Variants in TNNI3K observed in about 807,000 individuals in gnomAD.
The protein encoded by TNNI3K is serine/threonine-protein kinase TNNI3K.
TNNI3K carries 140 observed loss-of-function variants against 114.5 expected under a neutral mutation model. The ratio of observed to expected loss-of-function variants is 1.22; its 90% CI spans 1.07 to 1.41. The LOEUF (loss-of-function observed/expected upper bound fraction) is 1.41, where lower values mean the gene tolerates loss of function less well. Ranked by LOEUF, TNNI3K falls within the 40% of genes most tolerant of loss-of-function variation. The pLI is 0.00. For synonymous variants in TNNI3K, 347 were observed against 347.5 expected (o/e 1.00, Z 0.02); for missense variants, 1,125 against 1,007.6 (o/e 1.12, Z -1.58).
intron 4 of TNNI3K, among the ~76,000 whole-genome samples, chr1:74,261,959 G>A (rs888558535): frequency 3.9e-5 from 6 of 152,034 alleles, no homozygotes; most frequent in African/African-American, 1.4e-4. Flanking sequence ...ACCAGACCTA[G>A]GTATTTTTTG....
intron 5 of TNNI3K, among the ~76,000 whole-genome samples, chr1:74,281,463 T>A (rs1657012180): frequency 6.6e-6 from 1 of 152,022 alleles, no homozygotes; most frequent in Non-Finnish European, 1.5e-5. Flanking sequence ...GATTTTACTG[T>A]TATATAGTTG....
intron 21 of TNNI3K, chr1:74,471,397 C>G (rs1176215086): frequency 2.5e-6 from 1 of 400,590 alleles, no homozygotes; most frequent in Non-Finnish European, 4.4e-6. Context: ...TACCTGCTTG[C>G]ATTGCTTTGG....
intron 23 of TNNI3K, chr1:74,512,416 C>T (rs1278291316): frequency 1.3e-5 from 2 of 152,122 alleles, no homozygotes; most frequent in African/African-American, 4.8e-5. Flanking sequence ...ACATCACCCA[C>T]ATGATCATCT....
chr1:74,463,896 G>C (rs1227040781), intron 21 of TNNI3K, among the ~76,000 whole-genome samples: 2 of 152,230 alleles, frequency 1.3e-5, no homozygotes, highest in Non-Finnish European at 2.9e-5. Context: ...AGATGGATTT[G>C]TGTTGGCTTT....
intron 9 of TNNI3K, among the ~76,000 whole-genome samples, chr1:74,348,893 T>G (rs959676614): frequency 2.0e-5 from 3 of 152,242 alleles, no homozygotes; most frequent in Non-Finnish European, 4.4e-5. Context: ...AAGGAGATTT[T>G]GGGCTGAGAC....
intron 5 of TNNI3K, among the ~76,000 whole-genome samples, chr1:74,329,636 AT>A (rs1278920602): frequency 6.6e-6 from 1 of 152,120 alleles, no homozygotes; most frequent in Non-Finnish European, 1.5e-5. Flanking sequence ...TAATGGATGA[AT>A]AGGTGATTAA....
chr1:74,383,593 A>T (rs1345669594), intron 17 of TNNI3K, among the ~76,000 whole-genome samples: 4 of 152,056 alleles, frequency 2.6e-5, no homozygotes. Flanking sequence ...TGCTATTAAA[A>T]TTGCTCATGA....
chr1:74,431,995 C>G (rs1415483786), intron 17 of TNNI3K, among the ~76,000 whole-genome samples: 1 of 152,058 alleles, frequency 6.6e-6, no homozygotes, highest in African/African-American at 2.4e-5. Context: ...TTGCTGTTAT[C>G]TAAAAAGCAT....
chr1:74,411,205 G>A (rs1286175053), intron 17 of TNNI3K, among the ~76,000 whole-genome samples: 1 of 152,112 alleles, frequency 6.6e-6, no homozygotes, highest in South Asian at 2.1e-4. Context: ...AAAGATAATA[G>A]TGTGACAATT....
intron 17 of TNNI3K, among the ~76,000 whole-genome samples, chr1:74,382,815 A>T (rs971670328): frequency 6.6e-6 from 1 of 152,176 alleles, no homozygotes; most frequent in African/African-American, 2.4e-5. Context: ...AGCGTTGATG[A>T]TGTCTGCCTT....
chr1:74,286,858 C>T (rs888067714), intron 5 of TNNI3K, among the ~76,000 whole-genome samples: 1 of 152,000 alleles, frequency 6.6e-6, no homozygotes, highest in African/African-American at 2.4e-5. Context: ...CATGATGCTA[C>T]CCAGGAAACA....
At chr1:74,275,569 T>C (rs1557467697) in intron 5 of TNNI3K, among the ~76,000 whole-genome samples, 1 of 151,846 alleles carries the variant, frequency 6.6e-6, no homozygotes, top group Non-Finnish European at 1.5e-5. Context: ...AAAATTGAAC[T>C]AGTCTAAAGA....
intron 20 of TNNI3K, among the ~76,000 whole-genome samples, chr1:74,463,069 T>C (rs985376577): frequency 6.6e-6 from 1 of 152,196 alleles, no homozygotes; most frequent in Non-Finnish European, 1.5e-5. Context: ...TATAAGCTCT[T>C]TAGCCTGGGA....
At chr1:74,457,264 A>G (rs1267837689) in intron 20 of TNNI3K, among the ~76,000 whole-genome samples, 1 of 152,222 alleles carries the variant, frequency 6.6e-6, no homozygotes, top group Non-Finnish European at 1.5e-5. Flanking sequence ...TATAGCTGAT[A>G]TTAACATTCC....
chr1:74,449,755 C>T (rs1035494957), intron 20 of TNNI3K, among the ~76,000 whole-genome samples: 14 of 151,464 alleles, frequency 9.2e-5, no homozygotes, highest in Admixed American at 2.0e-4. Flanking sequence ...ATTCATAAAG[C>T]AAGTCCTGAG....
intron 5 of TNNI3K, among the ~76,000 whole-genome samples, chr1:74,274,130 G>A (rs1175455477): frequency 6.6e-6 from 1 of 151,784 alleles, no homozygotes; most frequent in Non-Finnish European, 1.5e-5. Flanking sequence ...TATTTTTAAT[G>A]TTACATGTAT....
chr1:74,369,963 A>G (rs1041831924), intron 16 of TNNI3K: 2 of 233,956 alleles, frequency 8.5e-6, no homozygotes, highest in African/African-American at 4.5e-5. Flanking sequence ...GAGTTTATGC[A>G]TATAGTAATT....
intron 4 of TNNI3K, among the ~76,000 whole-genome samples, chr1:74,257,655 G>GCTTACCT (rs1466551487): frequency 6.5e-4 from 89 of 137,142 alleles, no homozygotes; most frequent in African/African-American, 2.3e-3. Flanking sequence ...TAGCCTCTTG[G>GCTTACCT]CTTACCTCTT....
chr1:74,436,475 A>G lies in TNNI3K; in HGVS notation c.1827A>G (p.Glu609=). The G allele has an allele frequency of 1.9e-6, 3 of 1,578,080 alleles. No homozygotes were observed. The highest frequency in any genetic ancestry group is 2.6e-6 in the Non-Finnish European group (3 of 1,170,562). Reference sequence around the variant, plus strand: ...TGATTTATTTTCTCTTTCCCTCAGAATCAAGATTTCTACAGTCTCTGGATG... The same window carrying G: ...TGATTTATTTTCTCTTTCCCTCAGAGTCAAGATTTCTACAGTCTCTGGATG... ...DGHAVVADFG[E]SRFLQSLDED... The change falls in exon 19 of 25, where the codon GAA becomes GAG. Residue 609 remains glutamate, a splice_region_variant and synonymous_variant. Coordinates refer to ENST00000326637, the MANE Select transcript of TNNI3K (RefSeq NM_015978.3).
Sources: gnomAD v4.1 joint callset for allele counts (sites outside exome capture counted in the v4.1 genomes callset) on GRCh38, gnomAD v4.1.1 for gene constraint, MANE v1.5 for transcripts, NCBI Gene and HGNC (gene_info 2026-07-23, HGNC 2026-07-21) for gene names.